NIN: variants seen among roughly 807,000 people sequenced by gnomAD.
NIN encodes glycogen synthase kinase 3 beta-interacting protein.
NIN carries 137 observed loss-of-function variants against 257.6 expected under a neutral mutation model. That is an observed-to-expected ratio of 0.53 (90% confidence interval 0.46 to 0.61). The LOEUF (loss-of-function observed/expected upper bound fraction) is 0.61, where lower values mean the gene tolerates loss of function less well. NIN is among the 20% of genes least tolerant of loss of function. NIN has a pLI of 0.00. For missense variants in NIN, 2,439 were observed against 2,501.2 expected (o/e 0.98, Z 0.53); for synonymous variants, 918 against 919.8 (o/e 1.00, Z 0.04).
At chr14:50,823,215 G>A in intron 2 of NIN, 1 of 571,872 alleles carries the variant, frequency 1.7e-6, no homozygotes, top group South Asian at 1.4e-5. Context: ...TCCGATGAAA[G>A]CCTGAAACCT....
chr14:50,728,772 G>C (rs531876768), intron 29 of NIN, among the ~76,000 whole-genome samples: 1 of 152,344 alleles, frequency 6.6e-6, no homozygotes, highest in South Asian at 2.1e-4. Context: ...AAATAACTCT[G>C]AATACTTGAA....
intron 5 of NIN, among the ~76,000 whole-genome samples, chr14:50,782,063 AAAG>A (rs1321466902): frequency 1.3e-5 from 2 of 152,014 alleles, no homozygotes; most frequent in Non-Finnish European, 2.9e-5. Context: ...AACAGCAATC[AAAG>A]AAGGATTAAA....
chr14:50,726,558 G>GT lies in NIN; in HGVS notation c.6079-493dup, dbSNP rs1236792908. On this transcript the variant is annotated intron_variant, in intron 29 of 30. Transcript: ENST00000530997. ...GAAGTGGCTGATGACTGTGAGGGTG[G>GT]TAAGTTTCTTTCTTCATAATAGCCT... The GT allele has an allele frequency of 3.9e-5, 6 of 152,796 alleles. 1 individual carries two copies. The highest frequency in any genetic ancestry group is 1.4e-4 in the African/African-American group (6 of 41,578). The allele number at this position is 152,796 out of a possible 1,614,324, so 9.5% of individuals were successfully genotyped here. A position where few individuals can be genotyped will look rare whatever the true frequency, so the allele number is the denominator to read the frequency against.
At chr14:50,732,634 T>C (rs753190761) in intron 28 of NIN, among the ~76,000 whole-genome samples, 34 of 152,228 alleles carry the variant, frequency 2.2e-4, no homozygotes, top group Admixed American at 4.6e-4. Flanking sequence ...TAAAAATTAA[T>C]ATACTAAAAA....
intron 25 of NIN, among the ~76,000 whole-genome samples, chr14:50,740,770 C>T (rs1218331641): frequency 6.6e-6 from 1 of 152,218 alleles, no homozygotes; most frequent in East Asian, 1.9e-4. Context: ...GCATGAGCCA[C>T]CACACCCAGC....
At chr14:50,735,447 T>C in intron 28 of NIN, 69 bp downstream of exon 28, 3 of 1,559,486 alleles carry the variant, frequency 1.9e-6, no homozygotes, top group Non-Finnish European at 2.6e-6. Flanking sequence ...GTCTAGTCTC[T>C]CCCAACAAAT....
intron 4 of NIN, among the ~76,000 whole-genome samples, chr14:50,799,220 C>T (rs941442198): frequency 1.3e-5 from 2 of 152,174 alleles, no homozygotes; most frequent in African/African-American, 4.8e-5. Flanking sequence ...GAGTGCCGAA[C>T]CTCATGAAGA....
At chr14:50,770,084 G>A (rs1364249798) in intron 12 of NIN, among the ~76,000 whole-genome samples, 1 of 152,192 alleles carries the variant, frequency 6.6e-6, no homozygotes, top group African/African-American at 2.4e-5. Context: ...CAGGTTTGGA[G>A]TAGCAGCGGG....
chr14:50,759,980 G>A lies in NIN; in HGVS notation c.2276C>T (p.Thr759Ile). 1 of 1,614,156 alleles carries A rather than the reference G, an allele frequency of 6.2e-7. No homozygotes were observed. Among genetic ancestry groups the A allele is most frequent in the South Asian group, 1.1e-5 (1 of 91,082 alleles). ...CTGGTGAAACTGCTCTAGTTCCTGAGTCAAGCCTCTCACCTTCTCTTCTGT... is the reference window on the plus strand; with the variant it reads ...CTGGTGAAACTGCTCTAGTTCCTGAATCAAGCCTCTCACCTTCTCTTCTGT... ...AWTEEKVRGL[T>I]QELEQFHQEQ... Residue 759 changes from threonine to isoleucine, a missense_variant, in exon 17 of 31, where the codon ACT becomes ATT. This residue lies in a region of NIN where 2,043 missense variants were observed against 2,050.2 expected (regional missense o/e 1.00). Coordinates refer to ENST00000530997, the MANE Select transcript of NIN (RefSeq NM_020921.4).
chr14:50,730,179 G>A (rs1195302268), intron 28 of NIN, among the ~76,000 whole-genome samples: 1 of 151,966 alleles, frequency 6.6e-6, no homozygotes, highest in Non-Finnish European at 1.5e-5. Flanking sequence ...ATTTTTTTTG[G>A]AAGAACCTCA....
intron 2 of NIN, chr14:50,823,238 A>T (rs1184979614): frequency 1.7e-6 from 1 of 575,930 alleles, no homozygotes; most frequent in Non-Finnish European, 3.5e-6. Flanking sequence ...ACATCTGAAG[A>T]TGCCTTCGCC....
At chr14:50,816,164 T>C (rs2044883456) in intron 3 of NIN, among the ~76,000 whole-genome samples, 1 of 151,344 alleles carries the variant, frequency 6.6e-6, no homozygotes, top group Non-Finnish European at 1.5e-5. Flanking sequence ...CATGGACTAA[T>C]TGGCAGGAGG....
intron 17 of NIN, among the ~76,000 whole-genome samples, chr14:50,758,900 C>A (rs557593809): frequency 6.6e-6 from 1 of 152,172 alleles, no homozygotes; most frequent in South Asian, 2.1e-4. Context: ...GGCACACTCC[C>A]GGATGTATTT....
In NIN at chr14:50,770,983, A is replaced by G. The variant is rs17793018; in HGVS notation, c.1128T>C (p.Val376=). The change falls in exon 11 of 31, where the codon GTT becomes GTC. Residue 376 remains valine (V), a synonymous_variant. Transcript: ENST00000530997. The part of the protein sequence containing the change: ...KAEIRHLLER[V]DQVVREKEKL... ...TCTCTTTTTCTCTGACCACCTGATC[A>G]ACTCGTTCCCTAGGATCAGAAGTAC... 0.62 allele frequency: 992,220 copies of G among 1,613,166 alleles called. 311,834 individuals carry two copies. The highest frequency in any genetic ancestry group is 0.83 in the East Asian group (37,131 of 44,874).
rs755037547 is a variant in NIN at position 50,738,129 on chromosome 14, C to A, written c.5775+11G>T. 2.5e-6 allele frequency: 4 copies of A among 1,613,710 alleles called. No homozygotes were observed. The highest frequency in any genetic ancestry group is 3.4e-6 in the Non-Finnish European group (4 of 1,179,800). ...AACACAGATGTACGCCATATATTCT[C>A]AAAAACTCACCTTCCTGTTAGCAGG... On this transcript the variant is annotated intron_variant, in intron 27 of 30. Coordinates refer to ENST00000530997, the MANE Select transcript of NIN (RefSeq NM_020921.4).
At chr14:50,747,910 G>A in intron 22 of NIN, 82 bp downstream of exon 22, 5 of 907,080 alleles carry the variant, frequency 5.5e-6, no homozygotes, top group Non-Finnish European at 7.2e-6. Flanking sequence ...AAGGACAACT[G>A]GTGGTTAGAA....
intron 7 of NIN, among the ~76,000 whole-genome samples, chr14:50,773,402 C>T (rs1332132657): frequency 2.0e-5 from 3 of 152,190 alleles, no homozygotes; most frequent in Non-Finnish European, 2.9e-5. Context: ...ATTATTCTTA[C>T]AAATTTTAAA....
rs554889023 is a variant in NIN at position 50,722,351 on chromosome 14, TTAAA to T, written c.*1108_*1111del. 2.1e-3 allele frequency: 452 copies of T among 214,702 alleles called. No individual in the cohort carries two copies. Among genetic ancestry groups the T allele is most frequent in the Middle Eastern group, 4.3e-3 (3 of 694 alleles). The allele number at this position is 214,702 out of a possible 1,614,324, so 13.3% of individuals were successfully genotyped here. A position where few individuals can be genotyped will look rare whatever the true frequency, so the allele number is the denominator to read the frequency against. ...GAAACACAGAAAATTTTGACCTATA[TTAAA>T]TAAACTCTTCTATAAGTCAGGTTTT... On this transcript the variant is annotated 3_prime_UTR_variant, in exon 31 of 31. Transcript: ENST00000530997.
rs753323389 is a variant in NIN at position 50,741,609 on chromosome 14, A to C, written c.5421T>G (p.His1807Gln). 8.1e-6 allele frequency: 13 copies of C among 1,614,030 alleles called. No homozygotes were observed. The highest frequency in any genetic ancestry group is 1.6e-4 in the Middle Eastern group (1 of 6,082). Residue 1807 changes from histidine (H) to glutamine (Q), a missense_variant, in exon 25 of 31, where the codon CAT (histidine) becomes CAG (glutamine). His to Gln is a conservative substitution (Grantham distance 24). Around this residue, in one of 3 missense-constraint regions of NIN, gnomAD observed 2,043 missense variants for 2,050.2 expected, o/e 1.00. Coordinates refer to ENST00000530997, the MANE Select transcript of NIN (RefSeq NM_020921.4). ...TGCCACCAGCATTCTGAAGTTGCTT[A>C]TGTAAAGACATCACTTCTTGTTTTA... is the stretch of plus-strand genomic sequence containing the variant. Reference protein sequence around the residue: ...EALKQEVMSLHKQLQNAGGKS... With the variant: ...EALKQEVMSLQKQLQNAGGKS...
Sources: allele counts gnomAD v4.1 joint callset (sites outside exome capture counted in the v4.1 genomes callset), GRCh38; gene constraint gnomAD v4.1.1; regional missense constraint gnomAD v4.1.1; transcripts MANE v1.5; gene names NCBI Gene and HGNC (gene_info 2026-07-23, HGNC 2026-07-21).